The following RIMKLB variants were observed in gnomAD, a reference collection of about 807,000 sequenced individuals.
RIMKLB encodes the protein ribosomal modification protein rimK like family member B.
A neutral mutation model predicts 32.0 loss-of-function variants in RIMKLB; 7 were observed. That is an observed-to-expected ratio of 0.22 (90% CI 0.12 to 0.41). The LOEUF is 0.41. Ranked by LOEUF, RIMKLB falls within the 10% of genes least tolerant of loss-of-function variation. The pLI is 1.00. For synonymous variants in RIMKLB, 172 were observed against 185.1 expected (o/e 0.93, Z 0.57); for missense variants, 289 against 498.7 (o/e 0.58, Z 4.00).
chr12:8,708,187 AT>A (rs1007145399), intron 1 of RIMKLB, among the ~76,000 whole-genome samples: 8 of 151,814 alleles, frequency 5.3e-5, no homozygotes, highest in African/African-American at 1.9e-4. Flanking sequence ...ATATTAGTGT[AT>A]TTTTTTCCTT....
intron 1 of RIMKLB, among the ~76,000 whole-genome samples, chr12:8,703,465 C>A (rs1295739545): frequency 6.6e-6 from 1 of 152,088 alleles, no homozygotes; most frequent in Admixed American, 6.6e-5. Context: ...GTGGCTGACA[C>A]CATAGGCCTG....
At chr12:8,769,898 C>T (rs1592005798) in intron 5 of RIMKLB, among the ~76,000 whole-genome samples, 1 of 152,146 alleles carries the variant, frequency 6.6e-6, no homozygotes, top group South Asian at 2.1e-4. Flanking sequence ...CTACTCTTTC[C>T]ACTTGATTGA....
chr12:8,705,753 G>T (rs925320417), intron 1 of RIMKLB, among the ~76,000 whole-genome samples: 7 of 152,204 alleles, frequency 4.6e-5, no homozygotes, highest in Admixed American at 3.3e-4. Flanking sequence ...GTAAGCAGCA[G>T]TCTGTAAACT....
chr12:8,756,359 T>C (rs1338446477), intron 5 of RIMKLB, among the ~76,000 whole-genome samples: 1 of 152,006 alleles, frequency 6.6e-6, no homozygotes, highest in Non-Finnish European at 1.5e-5. Context: ...CCAGAAAAAT[T>C]TTAAGTTCTT....
chr12:8,711,420 A>G (rs1040324572), intron 1 of RIMKLB, among the ~76,000 whole-genome samples: 1 of 152,166 alleles, frequency 6.6e-6, no homozygotes, highest in African/African-American at 2.4e-5. Context: ...ATCATCTGCA[A>G]ACGGATGAGT....
At position 8,747,523 on chromosome 12, in the gene RIMKLB, G is replaced by A. The variant is rs149864297; in HGVS notation, c.176-2339G>A. Among the ~76,000 whole-genome samples, 314 of 151,934 alleles carry A rather than the reference G, an allele frequency of 2.1e-3. 1 individual carries two copies. The highest frequency in any genetic ancestry group is 6.8e-3 in the Middle Eastern group (2 of 292). On this transcript the variant is annotated intron_variant, in intron 2 of 5. Coordinates refer to ENST00000535829, the MANE Select transcript of RIMKLB (RefSeq NM_001297776.2). ...TTAATACCATAAAAATTAATATACT[G>A]TCTGTCTCCCACTAGAAAGCTTCTT...
At position 8,704,404 on chromosome 12, in the gene RIMKLB, G is replaced by T. The variant is rs187527761; in HGVS notation, c.-57+6107G>T. Among the ~76,000 whole-genome samples, 505 of 151,840 alleles carry T rather than the reference G, an allele frequency of 3.3e-3. 7 individuals carry two copies. The highest frequency in any genetic ancestry group is 0.022 in the East Asian group (113 of 5,176). ...TCTCAAAAAAAAAAAAAATTGATTT[G>T]GTAAGGAAAATGGCATTTTATAAAC... On this transcript the variant is annotated intron_variant, in intron 1 of 5. Coordinates refer to ENST00000535829, the MANE Select transcript of RIMKLB (RefSeq NM_001297776.2).
At chr12:8,729,070 G>A (rs192830985) in intron 2 of RIMKLB, among the ~76,000 whole-genome samples, 3 of 152,180 alleles carry the variant, frequency 2.0e-5, no homozygotes, top group Admixed American at 6.5e-5. Context: ...TCATACTGGC[G>A]CCGCCACAGT....
intron 1 of RIMKLB, among the ~76,000 whole-genome samples, chr12:8,685,427 G>C (rs12306245): frequency 9.2e-5 from 14 of 152,164 alleles, no homozygotes; most frequent in Non-Finnish European, 1.5e-4. Flanking sequence ...TCACATGCTC[G>C]TTCAGCATCT....
downstream of RIMKLB, among the ~76,000 whole-genome samples, chr12:8,781,372 C>T (rs1282619186): frequency 2.6e-5 from 4 of 152,130 alleles, no homozygotes; most frequent in African/African-American, 9.7e-5. Flanking sequence ...CTAAAAGATT[C>T]TTCCCTTTTT....
In RIMKLB at chr12:8,766,863, A is replaced by G. The variant is rs760466893; in HGVS notation, c.698-6458A>G. 2.2e-4 allele frequency among the ~76,000 whole-genome samples: 33 copies of G among 152,262 alleles called. 1 individual carries two copies. Among genetic ancestry groups the G allele is most frequent in the Admixed American group, 2.6e-4 (4 of 15,288 alleles). On this transcript the variant is annotated intron_variant, in intron 5 of 5. Transcript: ENST00000535829. ...CCCATACTTTAAGATTTGAGTTAGT[A>G]AGCTAACTTTTTGCTTTTTTGACTT...
At chr12:8,729,573 A>C (rs1946354697) in intron 2 of RIMKLB, among the ~76,000 whole-genome samples, 1 of 152,078 alleles carries the variant, frequency 6.6e-6, no homozygotes, top group African/African-American at 2.4e-5. Flanking sequence ...TGGTTTTGGA[A>C]AAGGCAGCAT....
chr12:8,745,300 C>T (rs1947973339), intron 2 of RIMKLB, among the ~76,000 whole-genome samples: 3 of 151,514 alleles, frequency 2.0e-5, no homozygotes, highest in Admixed American at 2.0e-4. Flanking sequence ...TTACTTTCTT[C>T]TCCTGGCTCT....
At position 8,754,331 on chromosome 12, in the gene RIMKLB, TG is replaced by T. The variant is rs138591938; in HGVS notation, c.697+239del. 5.3e-3 allele frequency among the ~76,000 whole-genome samples: 806 copies of T among 152,366 alleles called. 6 individuals carry two copies. Among genetic ancestry groups the T allele is most frequent in the African/African-American group, 0.017 (726 of 41,588 alleles). On this transcript the variant is annotated intron_variant, in intron 5 of 5. Transcript: ENST00000535829. ...AATCTGCCTTCACCCGTTCTCAATTTGTAACCCAATTTACACATGTATTGGT... is the reference window on the plus strand; with the variant it reads ...AATCTGCCTTCACCCGTTCTCAATTTTAACCCAATTTACACATGTATTGGT...
At chr12:8,771,439 G>A (rs1025075217) in intron 5 of RIMKLB, among the ~76,000 whole-genome samples, 1 of 152,104 alleles carries the variant, frequency 6.6e-6, no homozygotes, top group African/African-American at 2.4e-5. Context: ...ACTATAACAA[G>A]GGCTGTTGGA....
chr12:8,771,150 C>A (rs1172016744), intron 5 of RIMKLB, among the ~76,000 whole-genome samples: 1 of 152,038 alleles, frequency 6.6e-6, no homozygotes, highest in Non-Finnish European at 1.5e-5. Flanking sequence ...AATTGATAAC[C>A]ATGTAAAAAT....
chr12:8,714,770 T>G (rs1944666395), intron 2 of RIMKLB, among the ~76,000 whole-genome samples: 2 of 152,198 alleles, frequency 1.3e-5, no homozygotes, highest in Non-Finnish European at 2.9e-5. Context: ...AATTGGTAGT[T>G]TCTGTCAGGG....
chr12:8,680,067 C>T (rs766075771), upstream of RIMKLB, among the ~76,000 whole-genome samples: 53 of 152,350 alleles, frequency 3.5e-4, no homozygotes, highest in Middle Eastern at 3.4e-3. Context: ...CACTGCTACA[C>T]TCCCACCAAC....
In RIMKLB at chr12:8,775,845, A is replaced by G. The variant is rs1217705443; in HGVS notation, c.*2061A>G. 2 of 985,004 alleles carry G rather than the reference A, an allele frequency of 2.0e-6. No homozygotes were observed. The highest frequency in any genetic ancestry group is 2.4e-6 in the Non-Finnish European group (2 of 829,590). The allele number at this position is 985,004 out of a possible 1,614,324, so 61.0% of individuals were successfully genotyped here. A position where few individuals can be genotyped will look rare whatever the true frequency, so the allele number is the denominator to read the frequency against. The stretch of plus-strand genomic sequence containing the variant: ...ATTTATCTTAGGATATTCTAATTGC[A>G]TTTAAAAGAACTTATCTTGCGCAGG... On this transcript the variant is annotated 3_prime_UTR_variant, in exon 6 of 6. Transcript: ENST00000535829.
Sources: gnomAD v4.1 joint callset for allele counts (sites outside exome capture counted in the v4.1 genomes callset) on GRCh38, gnomAD v4.1.1 for gene constraint, MANE v1.5 for transcripts, NCBI Gene and HGNC (gene_info 2026-07-23, HGNC 2026-07-21) for gene names.